The following ATP9B variants were observed in gnomAD, a reference collection of about 807,000 sequenced individuals.
ATP9B encodes the protein probable phospholipid-transporting ATPase IIB.
A neutral mutation model predicts 146.1 loss-of-function variants in ATP9B; 110 were observed. The observed-to-expected ratio is 0.75, with a 90% confidence interval of 0.65 to 0.88. The LOEUF is 0.88. Ranked by LOEUF, ATP9B falls within the 40% of genes least tolerant of loss-of-function variation. The probability of loss-of-function intolerance (pLI) is 0.00; values close to 1 mark genes in which losing one functional copy is unlikely to be tolerated. For synonymous variants in ATP9B, 604 were observed against 569.7 expected (o/e 1.06, Z -0.86); for missense variants, 1,499 against 1,496.4 (o/e 1.00, Z -0.03).
chr18:79,177,517 A>T (rs1324932553), intron 8 of ATP9B, among the ~76,000 whole-genome samples: 2 of 152,058 alleles, frequency 1.3e-5, no homozygotes, highest in Non-Finnish European at 2.9e-5. Flanking sequence ...TGCTGGGATT[A>T]CAGGTTTGAG....
chr18:79,368,705 T>C (rs546848434), intron 26 of ATP9B, among the ~76,000 whole-genome samples: 32 of 152,176 alleles, frequency 2.1e-4, no homozygotes, highest in African/African-American at 7.5e-4. Flanking sequence ...AGACCATTAA[T>C]AGAAGAAATA....
intron 11 of ATP9B, among the ~76,000 whole-genome samples, chr18:79,253,086 G>A (rs188667689): frequency 2.0e-5 from 3 of 152,302 alleles, no homozygotes; most frequent in Admixed American, 6.5e-5. Context: ...CTAGGCTTGC[G>A]TTTCACTTTG....
chr18:79,278,396 C>G (rs1344868585), intron 13 of ATP9B, among the ~76,000 whole-genome samples: 2 of 152,128 alleles, frequency 1.3e-5, no homozygotes, highest in Non-Finnish European at 2.9e-5. Flanking sequence ...ATACGGTGTT[C>G]AAGAAATCAC....
chr18:79,170,423 G>A (rs2095052618), intron 7 of ATP9B, among the ~76,000 whole-genome samples: 1 of 151,794 alleles, frequency 6.6e-6, no homozygotes, highest in Non-Finnish European at 1.5e-5. Context: ...TAGAGGTTAA[G>A]TCCAGTTACT....
At chr18:79,269,580 C>T (rs1336882521) in intron 12 of ATP9B, among the ~76,000 whole-genome samples, 1 of 152,074 alleles carries the variant, frequency 6.6e-6, no homozygotes, top group African/African-American at 2.4e-5. Flanking sequence ...GTATTTTGGT[C>T]TTCTGGCTCT....
At chr18:79,363,330 A>G (rs984257015) in intron 26 of ATP9B, 1 of 70,944 alleles carries the variant, frequency 1.4e-5, no homozygotes, top group African/African-American at 5.6e-5. Flanking sequence ...CTGGAAACCA[A>G]CAACATTGAG....
At chr18:79,274,694 C>T (rs151009417) in intron 12 of ATP9B, among the ~76,000 whole-genome samples, 107 of 152,260 alleles carry the variant, frequency 7.0e-4, no homozygotes, top group African/African-American at 2.5e-3. Flanking sequence ...AGTGATCTTT[C>T]GCTAGTAAGC....
chr18:79,126,256 T>C lies in ATP9B; in HGVS notation c.559-11T>C, dbSNP rs1466035861. On this transcript the variant is annotated splice_polypyrimidine_tract_variant and intron_variant, in intron 4 of 29. Coordinates refer to ENST00000426216, the MANE Select transcript of ATP9B (RefSeq NM_198531.5). ...TTTAGTTTTCTAAAAATACCTTATT[T>C]TGTTTTATAGGGATTTGTCTTGGCT... The C allele has an allele frequency of 1.3e-6, 2 of 1,582,502 alleles. No homozygotes were observed. The highest frequency in any genetic ancestry group is 1.7e-6 in the Non-Finnish European group (2 of 1,163,202).
intron 11 of ATP9B, among the ~76,000 whole-genome samples, chr18:79,225,182 T>G (rs1219136380): frequency 6.6e-6 from 1 of 152,248 alleles, no homozygotes; most frequent in Non-Finnish European, 1.5e-5. Flanking sequence ...TTCATACAGC[T>G]GATGGGATAT....
At chr18:79,333,557 G>C (rs931272868) in intron 17 of ATP9B, among the ~76,000 whole-genome samples, 8 of 152,170 alleles carry the variant, frequency 5.3e-5, no homozygotes, top group African/African-American at 1.9e-4. Context: ...TAATGTTTTT[G>C]ATTAGTTGTT....
intron 9 of ATP9B, among the ~76,000 whole-genome samples, 180 bp downstream of exon 9, chr18:79,193,443 C>T (rs2095388323): frequency 6.6e-6 from 1 of 152,142 alleles, no homozygotes; most frequent in African/African-American, 2.4e-5. Flanking sequence ...CTTTGGGATA[C>T]ATTTAGTACA....
At chr18:79,177,639 AGAATCTTT>A (rs1206622402) in intron 8 of ATP9B, among the ~76,000 whole-genome samples, 2 of 152,228 alleles carry the variant, frequency 1.3e-5, no homozygotes. Flanking sequence ...TCGTGTGTGT[AGAATCTTT>A]CAAATCAGTA....
rs2075934639 is a variant in ATP9B at position 79,110,503 on chromosome 18, G to A, written c.442G>A (p.Gly148Arg). 2 of 1,606,042 alleles carry A rather than the reference G, an allele frequency of 1.2e-6. No individual in the cohort carries two copies. The highest frequency in any genetic ancestry group is 2.7e-5 in the African/African-American group (2 of 74,544). ...ATACAATGTGTTTACCTTTATACCTGGGGTAAGACTATTGCATTCTTGGAG... is the reference window on the plus strand; with the variant it reads ...ATACAATGTGTTTACCTTTATACCTAGGGTAAGACTATTGCATTCTTGGAG... ...QKYNVFTFIP[G>R]VLYEQFKFFL... The change falls in exon 3 of 30, where the codon GGG becomes AGG. Residue 148 changes from glycine (G) to arginine (R), a missense_variant and splice_region_variant. By Grantham distance (125) the Gly-to-Arg change is moderately radical. Transcript: ENST00000426216.
intron 11 of ATP9B, among the ~76,000 whole-genome samples, chr18:79,237,994 C>T (rs2144621527): frequency 6.6e-6 from 1 of 152,068 alleles, no homozygotes; most frequent in East Asian, 1.9e-4. Context: ...CTGGCTTTGA[C>T]ATTTTTTGAT....
At chr18:79,156,330 G>A (rs547034436) in intron 7 of ATP9B, among the ~76,000 whole-genome samples, 4 of 152,236 alleles carry the variant, frequency 2.6e-5, no homozygotes, top group African/African-American at 9.6e-5. Context: ...ACTGAACTCT[G>A]GCCAAAGAGG....
At chr18:79,253,171 G>GT (rs2145082534) in intron 11 of ATP9B, among the ~76,000 whole-genome samples, 1 of 152,302 alleles carries the variant, frequency 6.6e-6, no homozygotes, top group African/African-American at 2.4e-5. Context: ...TCTGGCCCGT[G>GT]TTTTGTCAGT....
intron 6 of ATP9B, chr18:79,145,290 C>G: frequency 7.0e-6 from 1 of 143,094 alleles, no homozygotes; most frequent in South Asian, 1.0e-4. Flanking sequence ...TGCAGAGTGA[C>G]TGAAGGTCCA....
At chr18:79,170,745 C>A (rs1346635845) in intron 7 of ATP9B, among the ~76,000 whole-genome samples, 1 of 152,200 alleles carries the variant, frequency 6.6e-6, no homozygotes, top group South Asian at 2.1e-4. Flanking sequence ...CTCTCTCCTG[C>A]ATGTCAGATT....
intron 29 of ATP9B, chr18:79,375,628 G>C: frequency 7.1e-6 from 7 of 985,464 alleles, no homozygotes; most frequent in Non-Finnish European, 8.4e-6. Flanking sequence ...TCAGGGGCTT[G>C]GTGGCCCTGA....
Sources: allele counts gnomAD v4.1 joint callset (sites outside exome capture counted in the v4.1 genomes callset), GRCh38; gene constraint gnomAD v4.1.1; transcripts MANE v1.5; gene names NCBI Gene and HGNC (gene_info 2026-07-23, HGNC 2026-07-21).